ENPEP: variants seen among roughly 807,000 people sequenced by gnomAD.
The protein encoded by ENPEP is AP-A.
In ENPEP, 103 loss-of-function variants were observed where a neutral mutation model predicts 114.5. That is an observed-to-expected ratio of 0.90 (90% CI 0.77 to 1.06). The LOEUF is 1.06. Among genes scored for constraint, ENPEP ranks in the 50% least tolerant of loss-of-function variants. ENPEP has a pLI of 0.00. For synonymous variants in ENPEP, 420 were observed against 422.0 expected, an observed-to-expected ratio of 1.00 and a Z score of 0.06; for missense variants, 1,196 against 1,161.3, an observed-to-expected ratio of 1.03 and a Z score of -0.43.
In ENPEP at chr4:110,548,195, A is replaced by G. The variant is rs375534538; in HGVS notation, c.2020A>G (p.Lys674Glu). Residue 674 changes from lysine to glutamate, a missense_variant, in exon 14 of 20, where the codon AAG becomes GAG. By Grantham distance (56) the Lys-to-Glu change is moderately conservative (BLOSUM62 1). Coordinates refer to ENST00000265162, the MANE Select transcript of ENPEP (RefSeq NM_001977.4). ...TCTCAGAGCTCAACTTCTAGATTATAAGGTGGCTTTGAACTTGACCAAGTA... is the reference window on the plus strand; with the variant it reads ...TCTCAGAGCTCAACTTCTAGATTATGAGGTGGCTTTGAACTTGACCAAGTA... The part of the protein sequence containing the change: ...ALARAQLLDY[K>E]VALNLTKYLK... The G allele has an allele frequency of 5.1e-6, 7 of 1,384,400 alleles. No homozygotes were observed. Among genetic ancestry groups the G allele is most frequent in the Non-Finnish European group, 4.9e-6 (5 of 1,029,396 alleles). The allele number at this position is 1,384,400 out of a possible 1,614,324, so 85.8% of individuals were successfully genotyped here.
rs1275343942 is a variant in ENPEP at position 110,520,244 on chromosome 4, G to T, written c.1605G>T (p.Met535Ile). 1 of 1,613,898 alleles carries T rather than the reference G, an allele frequency of 6.2e-7. No homozygotes were observed. Among genetic ancestry groups the T allele is most frequent in the Non-Finnish European group, 8.5e-7 (1 of 1,179,882 alleles). Reference sequence around the variant, plus strand: ...GTAGGCTACCAGTGAAAGAAGTAATGGACACCTGGACCAGACAGATGGGTT... The same window carrying T: ...GTAGGCTACCAGTGAAAGAAGTAATTGACACCTGGACCAGACAGATGGGTT... ...EASRLPVKEV[M>I]DTWTRQMGYP... The change falls in exon 10 of 20, where the codon ATG becomes ATT. Residue 535 changes from methionine to isoleucine, a missense_variant. Met to Ile is a conservative substitution (Grantham distance 10). Coordinates refer to ENST00000265162, the MANE Select transcript of ENPEP (RefSeq NM_001977.4).
chr4:110,558,238 A>ATATG (rs1225292241), intron 18 of ENPEP, among the ~76,000 whole-genome samples: 1 of 146,274 alleles, frequency 6.8e-6, no homozygotes, highest in African/African-American at 2.5e-5. Context: ...GCATATATAT[A>ATATG]TAGGAATGGA....
chr4:110,549,908 C>G, intron 17 of ENPEP, 22 bp downstream of exon 17: 1 of 1,587,186 alleles, frequency 6.3e-7, no homozygotes, highest in East Asian at 2.2e-5. Context: ...TTTTATTTCA[C>G]ATATATAAAT....
rs146706022 is a variant in ENPEP at position 110,476,721 on chromosome 4, G to A, written c.307G>A (p.Asp103Asn). 1.5e-5 allele frequency: 24 copies of A among 1,613,850 alleles called. No individual in the cohort carries two copies. In the African/African-American group the frequency reaches 2.7e-4, roughly 18 times the overall value. Residue 103 changes from aspartate to asparagine, a missense_variant, in exon 1 of 20, where the codon GAC (aspartate) becomes AAC (asparagine). Transcript: ENST00000265162. ...LPDFVNPVHY[D>N]LHVKPLLEED... is the part of the protein sequence containing the mutation. Reference sequence around the variant, plus strand: ...GGACTTCGTCAACCCAGTCCACTACGACCTGCACGTGAAGCCCCTGTTGGA... The same window carrying A: ...GGACTTCGTCAACCCAGTCCACTACAACCTGCACGTGAAGCCCCTGTTGGA...
intron 1 of ENPEP, among the ~76,000 whole-genome samples, chr4:110,480,402 C>G (rs1309155195): frequency 6.6e-6 from 1 of 152,138 alleles, no homozygotes; most frequent in Non-Finnish European, 1.5e-5. Flanking sequence ...ATAAGGGCCA[C>G]CAGAGGGAGT....
intron 10 of ENPEP, among the ~76,000 whole-genome samples, chr4:110,529,394 C>T (rs551735427): frequency 1.3e-5 from 2 of 152,100 alleles, no homozygotes; most frequent in Non-Finnish European, 2.9e-5. Context: ...TAGAAGCAGA[C>T]CCCGAAATGA....
At chr4:110,490,299 T>C (rs1724657842) in intron 2 of ENPEP, among the ~76,000 whole-genome samples, 1 of 152,232 alleles carries the variant, frequency 6.6e-6, no homozygotes, top group Non-Finnish European at 1.5e-5. Context: ...ACACCCGTGC[T>C]TGAAGTGTCA....
At chr4:110,519,347 T>G (rs1200905188) in intron 8 of ENPEP, 4 of 234,872 alleles carry the variant, frequency 1.7e-5, no homozygotes, top group African/African-American at 8.9e-5. Flanking sequence ...ACCTCCACTT[T>G]CAGTCAGGAC....
At chr4:110,516,919 A>C (rs932683550) in intron 8 of ENPEP, among the ~76,000 whole-genome samples, 3 of 152,134 alleles carry the variant, frequency 2.0e-5, no homozygotes, top group African/African-American at 7.2e-5. Context: ...ATGTTATCAT[A>C]TATTCCCTCA....
intron 11 of ENPEP, among the ~76,000 whole-genome samples, chr4:110,535,890 A>T (rs1256952238): frequency 1.3e-5 from 2 of 152,208 alleles, no homozygotes; most frequent in African/African-American, 4.8e-5. Context: ...TCAGTAAAAA[A>T]GATTACAACT....
intron 1 of ENPEP, among the ~76,000 whole-genome samples, chr4:110,477,435 A>AAT (rs1724154625): frequency 6.6e-6 from 1 of 152,190 alleles, no homozygotes; most frequent in Non-Finnish European, 1.5e-5. Context: ...TATATACAGC[A>AAT]ATATATATGA....
chr4:110,484,915 G>A (rs955035044), intron 1 of ENPEP, among the ~76,000 whole-genome samples: 33 of 127,662 alleles, frequency 2.6e-4, no homozygotes, highest in East Asian at 8.2e-4. Context: ...TGTGTGGTGC[G>A]CGCATGCACG....
chr4:110,524,157 A>C (rs1298946213), intron 10 of ENPEP, among the ~76,000 whole-genome samples: 1 of 152,192 alleles, frequency 6.6e-6, no homozygotes, highest in Non-Finnish European at 1.5e-5. Flanking sequence ...TTTAATGGGT[A>C]AGTTAATAAA....
At chr4:110,501,577 C>CTCCA (rs1725158906) in intron 3 of ENPEP, among the ~76,000 whole-genome samples, 1 of 152,206 alleles carries the variant, frequency 6.6e-6, no homozygotes, top group Non-Finnish European at 1.5e-5. Context: ...GGATAAAAGA[C>CTCCA]TCCAGCTTTA....
At chr4:110,544,275 A>G (rs1006769654) in intron 13 of ENPEP, among the ~76,000 whole-genome samples, 2 of 152,056 alleles carry the variant, frequency 1.3e-5, no homozygotes, top group South Asian at 2.1e-4. Context: ...AAATGAGATA[A>G]TGGACATAAA....
intron 1 of ENPEP, among the ~76,000 whole-genome samples, chr4:110,484,816 T>G (rs182702426): frequency 1.3e-5 from 2 of 149,708 alleles, no homozygotes; most frequent in East Asian, 3.9e-4. Flanking sequence ...AAGAGTAAAA[T>G]AGAGTATTTG....
chr4:110,520,065 C>T lies in ENPEP; in HGVS notation c.1567C>T (p.Leu523=). 1 of 1,613,936 alleles carries T rather than the reference C, an allele frequency of 6.2e-7. No individual in the cohort carries two copies. The highest frequency in any genetic ancestry group is 8.5e-7 in the Non-Finnish European group (1 of 1,179,844). ...NAKTSDFWAA[L]EEASRLPVKE... is the part of the protein sequence containing the mutation. ...AAAAACTTCTGATTTTTGGGCAGCACTGGAAGAGGTAAGGAAGAGTATATG... is the reference window on the plus strand; with the variant it reads ...AAAAACTTCTGATTTTTGGGCAGCATTGGAAGAGGTAAGGAAGAGTATATG... The change falls in exon 9 of 20, where the codon CTG becomes TTG. Residue 523 remains leucine (L), a synonymous_variant. Transcript: ENST00000265162.
chr4:110,550,745 T>C (rs1012545139), intron 17 of ENPEP, among the ~76,000 whole-genome samples: 2 of 152,064 alleles, frequency 1.3e-5, no homozygotes, highest in African/African-American at 4.8e-5. Flanking sequence ...TAAAAATGAA[T>C]AAAACATGAA....
At chr4:110,524,605 C>A (rs914313484) in intron 10 of ENPEP, among the ~76,000 whole-genome samples, 5 of 152,114 alleles carry the variant, frequency 3.3e-5, no homozygotes, top group African/African-American at 1.2e-4. Context: ...TATAGTGTAT[C>A]AAATTTCTTG....
Sources: gnomAD v4.1 joint callset for allele counts (sites outside exome capture counted in the v4.1 genomes callset) on GRCh38, gnomAD v4.1.1 for gene constraint, MANE v1.5 for transcripts, NCBI Gene and HGNC (gene_info 2026-07-23, HGNC 2026-07-21) for gene names.